The following MMS22L variants were observed in gnomAD, a reference collection of about 807,000 sequenced individuals.
The protein encoded by MMS22L is MMS22 like, DNA repair protein.
In MMS22L, 74 loss-of-function variants were observed where a neutral mutation model predicts 159.1. The observed-to-expected ratio is 0.47, with a 90% CI of 0.39 to 0.56. The LOEUF is 0.56. Ranked by LOEUF, MMS22L falls within the 20% of genes least tolerant of loss-of-function variation. The pLI is 0.00. For missense variants in MMS22L, 1,351 were observed against 1,422.1 expected (o/e 0.95, Z 0.80); for synonymous variants, 517 against 506.9 (o/e 1.02, Z -0.27).
At chr6:97,221,534 ATATC>A (rs1809649102) in intron 14 of MMS22L, among the ~76,000 whole-genome samples, 1 of 129,240 alleles carries the variant, frequency 7.7e-6, no homozygotes, top group Non-Finnish European at 1.7e-5. Context: ...TTTATAGTAT[ATATC>A]TAAATACTCA....
Position 97,231,608 on chromosome 6 carries a change from A to G in MMS22L, c.1347T>C (p.Ala449=), listed in dbSNP as rs764214870. ...TAGACAAGGGTGACTTCATGGTATT[A>G]GCAAGGCCTTTAAAAGGAAGCCAAG... is the stretch of plus-strand genomic sequence containing the variant. The part of the protein sequence containing the change: ...SISWLPFKGL[A]NTMKSPLSML... Residue 449 remains alanine, a synonymous_variant, in exon 13 of 25, where the codon GCT becomes GCC. Transcript: ENST00000683635. 2 of 1,613,666 alleles carry G rather than the reference A, an allele frequency of 1.2e-6. No homozygotes were observed. Among genetic ancestry groups the G allele is most frequent in the Non-Finnish European group, 1.7e-6 (2 of 1,179,794 alleles).
At chr6:97,252,068 G>A (rs1813295610) in intron 10 of MMS22L, among the ~76,000 whole-genome samples, 1 of 150,490 alleles carries the variant, frequency 6.6e-6, no homozygotes, top group Admixed American at 6.6e-5. Flanking sequence ...GGGCGACAGA[G>A]CGAGACTCCA....
chr6:97,219,046 C>CGTG lies in MMS22L; in HGVS notation c.2039+9847_2039+9848insCAC, dbSNP rs1809335065. Among the ~76,000 whole-genome samples the CGTG allele has an allele frequency of 3.1e-4, 47 of 152,246 alleles. No homozygotes were observed. The South Asian group carries it at 8.9e-3, about 29-fold the overall frequency. On this transcript the variant is annotated intron_variant, in intron 14 of 24. Coordinates refer to ENST00000683635, the MANE Select transcript of MMS22L (RefSeq NM_001350599.2). ...GAGAACTCACTCAATACTACAAGAA[C>CGTG]AGCATGTGGGAACCACCCCCATGAT... is the stretch of plus-strand genomic sequence containing the variant.
At chr6:97,266,233 T>G (rs1317004492) in intron 8 of MMS22L, 1 of 152,210 alleles carries the variant, frequency 6.6e-6, no homozygotes, top group Non-Finnish European at 1.5e-5. Flanking sequence ...TGTAAATTGG[T>G]ACAGCCATCA....
chr6:97,153,733 T>C (rs1801563615), intron 22 of MMS22L, among the ~76,000 whole-genome samples: 1 of 152,330 alleles, frequency 6.6e-6, no homozygotes, highest in African/African-American at 2.4e-5. Flanking sequence ...GTGACTTTTG[T>C]GACTGGCTTC....
intron 14 of MMS22L, among the ~76,000 whole-genome samples, chr6:97,202,810 A>G (rs1807319181): frequency 6.6e-6 from 1 of 152,190 alleles, no homozygotes; most frequent in Non-Finnish European, 1.5e-5. Flanking sequence ...GCACACACAG[A>G]ATTATTTATA....
chr6:97,220,059 C>T (rs992739543), intron 14 of MMS22L, among the ~76,000 whole-genome samples: 5 of 152,172 alleles, frequency 3.3e-5, no homozygotes, highest in Non-Finnish European at 7.3e-5. Flanking sequence ...GTGACTCTCA[C>T]ATGACATGCT....
At chr6:97,152,473 T>C (rs757447506) in intron 22 of MMS22L, among the ~76,000 whole-genome samples, 4 of 150,326 alleles carry the variant, frequency 2.7e-5, no homozygotes, top group Non-Finnish European at 5.9e-5. Context: ...AATGCAAAAA[T>C]ACCAAGAAAG....
In MMS22L at chr6:97,206,712, C is replaced by T. The variant is rs543317454; in HGVS notation, c.2040-20022G>A. Among the ~76,000 whole-genome samples the T allele has an allele frequency of 5.5e-4, 83 of 152,010 alleles. 2 individuals are homozygous for T. In the South Asian group the frequency reaches 6.7e-3, roughly 12 times the overall value. On this transcript the variant is annotated intron_variant, in intron 14 of 24. Coordinates refer to ENST00000683635, the MANE Select transcript of MMS22L (RefSeq NM_001350599.2). ...TTTTTGAAAGGGGTAAAAAGAAAGG[C>T]AGAATACAAATTTTCAATACCATCT...
chr6:97,196,464 A>C (rs534094314), intron 14 of MMS22L, among the ~76,000 whole-genome samples: 1 of 152,338 alleles, frequency 6.6e-6, no homozygotes, highest in East Asian at 1.9e-4. Context: ...TATAGTATTG[A>C]TAAGGAACTG....
intron 18 of MMS22L, among the ~76,000 whole-genome samples, chr6:97,174,283 G>T (rs949609218): frequency 3.3e-5 from 5 of 149,812 alleles, no homozygotes; most frequent in South Asian, 2.1e-4. Context: ...AAAATAAAAA[G>T]AAAGTTTAAG....
chr6:97,212,310 T>C (rs1808470508), intron 14 of MMS22L, among the ~76,000 whole-genome samples: 1 of 152,128 alleles, frequency 6.6e-6, no homozygotes, highest in Non-Finnish European at 1.5e-5. Context: ...CAGAATTTTC[T>C]CCAAAGACAT....
rs371980451 is a variant in MMS22L at position 97,187,085 on chromosome 6, G to A, written c.2040-395C>T. ...AGGACATGGATGTACCAAGAGGAAG[G>A]TAAGTACAACTGGCTTATGCGTGGT... On this transcript the variant is annotated intron_variant, in intron 14 of 24. Coordinates refer to ENST00000683635, the MANE Select transcript of MMS22L (RefSeq NM_001350599.2). 8.6e-5 allele frequency among the ~76,000 whole-genome samples: 13 copies of A among 151,688 alleles called. No individual in the cohort carries two copies. The East Asian group carries it at 2.1e-3, about 25-fold the overall frequency.
At chr6:97,258,198 T>C (rs1814036306) in intron 9 of MMS22L, among the ~76,000 whole-genome samples, 1 of 152,328 alleles carries the variant, frequency 6.6e-6, no homozygotes, top group South Asian at 2.1e-4. Context: ...TCTTTACCTA[T>C]TAATATCTTT....
chr6:97,271,807 G>A (rs1216226698), intron 6 of MMS22L: 2 of 152,072 alleles, frequency 1.3e-5, no homozygotes, highest in Non-Finnish European at 2.9e-5. Context: ...GAGTAGCTGG[G>A]ACTACAAGGT....
At chr6:97,196,621 C>T (rs929208315) in intron 14 of MMS22L, among the ~76,000 whole-genome samples, 1 of 152,120 alleles carries the variant, frequency 6.6e-6, no homozygotes, top group African/African-American at 2.4e-5. Context: ...AGAAAACCAA[C>T]TTATATACCC....
intron 10 of MMS22L, among the ~76,000 whole-genome samples, chr6:97,249,383 T>C (rs1175695840): frequency 6.6e-6 from 1 of 152,152 alleles, no homozygotes; most frequent in Non-Finnish European, 1.5e-5. Context: ...TTTCAGTGAG[T>C]TCTGTGAGTC....
In MMS22L at chr6:97,145,241, T is replaced by C. The variant is rs1800880638; in HGVS notation, c.*1565A>G. 1 of 152,196 alleles carries C rather than the reference T, an allele frequency of 6.6e-6. No homozygotes were observed. The highest frequency in any genetic ancestry group is 2.4e-5 in the African/African-American group (1 of 41,438). 9.4% of individuals were successfully genotyped at this position (152,196 alleles called of 1,614,324 possible). On this transcript the variant is annotated 3_prime_UTR_variant, in exon 25 of 25. Coordinates refer to ENST00000683635, the MANE Select transcript of MMS22L (RefSeq NM_001350599.2). ...TTAAACAGCCTTAAGCTTTCATTTA[T>C]TCCCTTTGATGAAGCTGATTTGAGA...
chr6:97,179,820 G>T (rs1804522508), intron 16 of MMS22L, among the ~76,000 whole-genome samples: 1 of 152,106 alleles, frequency 6.6e-6, no homozygotes, highest in Non-Finnish European at 1.5e-5. Context: ...ATATGTGTAG[G>T]TTTATGTTAA....
Sources: allele counts gnomAD v4.1 joint callset (sites outside exome capture counted in the v4.1 genomes callset), GRCh38; gene constraint gnomAD v4.1.1; transcripts MANE v1.5; gene names NCBI Gene and HGNC (gene_info 2026-07-23, HGNC 2026-07-21).